The following NSG2 variants were observed in gnomAD, a reference collection of about 807,000 sequenced individuals.
NSG2 encodes the protein neuronal vesicle trafficking-associated protein 2.
Under a neutral mutation model 16.9 loss-of-function variants are expected in NSG2, and 4 were observed. The ratio of observed to expected loss-of-function variants is 0.24; its 90% CI spans 0.12 to 0.54. The LOEUF is 0.54. NSG2 is among the 20% of genes least tolerant of loss of function. The pLI, the probability that NSG2 is intolerant of heterozygous loss-of-function variation, is 0.95. For synonymous variants in NSG2, 98 were observed against 88.7 expected (o/e 1.11, Z -0.59); for missense variants, 179 against 221.1 (o/e 0.81, Z 1.21).
chr5:174,102,243 G>A (rs970922070), intron 3 of NSG2, among the ~76,000 whole-genome samples: 73 of 151,950 alleles, frequency 4.8e-4, no homozygotes, highest in African/African-American at 1.5e-3. Context: ...AATTCCTCCC[G>A]TCCAGTATTT....
At chr5:174,056,534 A>T (rs1159061027) in intron 2 of NSG2, 2 of 152,230 alleles carry the variant, frequency 1.3e-5, no homozygotes, top group African/African-American at 4.8e-5. Flanking sequence ...ATTTTGAAGG[A>T]GAGAACTGAG....
At chr5:174,062,282 T>C (rs185384064) in intron 2 of NSG2, among the ~76,000 whole-genome samples, 1 of 152,240 alleles carries the variant, frequency 6.6e-6, no homozygotes, top group Non-Finnish European at 1.5e-5. Context: ...CAGCCCACAC[T>C]TGTACACTCC....
rs181401803 is a variant in NSG2, at chr5:174,069,472, C to T, written c.213+5157C>T. On this transcript the variant is annotated intron_variant, in intron 3 of 4. Transcript: ENST00000303177. ...GGGCTTGAGACTAGGCTCGCCTAGG[C>T]ATCTTAGATCTTGGCTTTGCCATAT... 5.8e-3 allele frequency among the ~76,000 whole-genome samples: 888 copies of T among 152,250 alleles called. 5 individuals carry two copies. Among genetic ancestry groups the T allele is most frequent in the African/African-American group, 0.02 (846 of 41,536 alleles).
At chr5:174,106,570 T>G (rs1581246341) in intron 4 of NSG2, among the ~76,000 whole-genome samples, 1 of 150,718 alleles carries the variant, frequency 6.6e-6, no homozygotes, top group East Asian at 1.9e-4. Context: ...ATGAATGTTG[T>G]TAGGAATGAA....
intron 3 of NSG2, among the ~76,000 whole-genome samples, chr5:174,076,317 T>A (rs1326134541): frequency 6.7e-6 from 1 of 149,540 alleles, no homozygotes; most frequent in Admixed American, 6.6e-5. Flanking sequence ...GGAGGGTAGG[T>A]GTTTTCATAG....
intron 2 of NSG2, among the ~76,000 whole-genome samples, chr5:174,060,913 T>C (rs2113430185): frequency 1.3e-5 from 2 of 152,244 alleles, no homozygotes; most frequent in Middle Eastern, 6.8e-3. Context: ...CATAGCACAA[T>C]GTAATCATGG....
At chr5:174,069,401 G>A (rs1760198209) in intron 3 of NSG2, among the ~76,000 whole-genome samples, 1 of 152,120 alleles carries the variant, frequency 6.6e-6, no homozygotes, top group African/African-American at 2.4e-5. Context: ...GGAAGTCATT[G>A]GTGCTAAGCT....
chr5:174,064,180 G>A (rs1760102757), intron 2 of NSG2, 52 bp from the exon 3 acceptor site: 3 of 1,290,292 alleles, frequency 2.3e-6, no homozygotes, highest in Non-Finnish European at 3.2e-6. Flanking sequence ...AAAAAAGAAA[G>A]GAAAATGTTT....
rs1161203835 is a variant in NSG2 at position 174,107,235 on chromosome 5, C to T, written c.325-79C>T. The T allele has an allele frequency of 1.5e-6, 2 of 1,312,488 alleles. No homozygotes were observed. Among genetic ancestry groups the T allele is most frequent in the Non-Finnish European group, 2.1e-6 (2 of 962,390 alleles). The allele number at this position is 1,312,488 out of a possible 1,614,324, so 81.3% of individuals were successfully genotyped here. A position where few individuals can be genotyped will look rare whatever the true frequency, so the allele number is the denominator to read the frequency against. On this transcript the variant is annotated intron_variant, in intron 4 of 4. Coordinates refer to ENST00000303177, the MANE Select transcript of NSG2 (RefSeq NM_015980.5). The surrounding 1 kb of genome is among the most constrained non-coding windows in gnomAD (Gnocchi z 4.5). ...CTGACAGCCCGATGCAGCTGCACTC[C>T]AGTCAGGGTGGCTGTGTTGCTGGGC...
At position 174,107,601 on chromosome 5, in the gene NSG2, A is replaced by T; in HGVS notation, c.*96A>T. 75 of 514,514 alleles carry T rather than the reference A, an allele frequency of 1.5e-4. No individual in the cohort carries two copies. Among genetic ancestry groups the T allele is most frequent in the East Asian group, 2.7e-4 (4 of 14,704 alleles). 31.9% of individuals were successfully genotyped at this position (514,514 alleles called of 1,614,324 possible). A position where few individuals can be genotyped will look rare whatever the true frequency, so the allele number is the denominator to read the frequency against. On this transcript the variant is annotated 3_prime_UTR_variant, in exon 5 of 5. Transcript: ENST00000303177. This position sits in a 1 kb window ranked among gnomAD's most constrained non-coding sequence, Gnocchi z 4.5. Reference sequence around the variant, plus strand: ...TACAAGACAACACTGTACTCCTGGGATATGGGGGCGGGGGCGGGGCAGGGC... The same window carrying T: ...TACAAGACAACACTGTACTCCTGGGTTATGGGGGCGGGGGCGGGGCAGGGC...
At chr5:174,089,226 C>T (rs917611155) in intron 3 of NSG2, among the ~76,000 whole-genome samples, 1 of 152,144 alleles carries the variant, frequency 6.6e-6, no homozygotes, top group Non-Finnish European at 1.5e-5. Flanking sequence ...CTCCGAGGGG[C>T]AGCACCTCCA....
intron 2 of NSG2, among the ~76,000 whole-genome samples, chr5:174,055,221 A>G (rs1759948590): frequency 1.3e-5 from 2 of 152,130 alleles, no homozygotes; most frequent in Admixed American, 1.3e-4. Flanking sequence ...CTCTGTTCAG[A>G]GCAGAAGGAG....
At chr5:174,079,960 T>C (rs542337615) in intron 3 of NSG2, among the ~76,000 whole-genome samples, 35 of 152,332 alleles carry the variant, frequency 2.3e-4, no homozygotes, top group African/African-American at 7.9e-4. Flanking sequence ...TTTTGATTCA[T>C]TTGGAATTTG....
At chr5:174,066,842 T>A (rs1760147621) in intron 3 of NSG2, among the ~76,000 whole-genome samples, 1 of 151,470 alleles carries the variant, frequency 6.6e-6, no homozygotes, top group South Asian at 2.1e-4. Flanking sequence ...TACAAAAAAT[T>A]AGCCGGGCGT....
intron 3 of NSG2, among the ~76,000 whole-genome samples, chr5:174,075,501 A>G (rs1475787351): frequency 6.6e-6 from 1 of 152,176 alleles, no homozygotes; most frequent in Admixed American, 6.5e-5. Context: ...TGTTAGGTTA[A>G]TTTTGCGTTG....
chr5:174,095,292 T>C (rs1488659060), intron 3 of NSG2, among the ~76,000 whole-genome samples: 1 of 152,116 alleles, frequency 6.6e-6, no homozygotes, highest in Non-Finnish European at 1.5e-5. Context: ...CAAATGACCA[T>C]AAACTGTGCG....
At chr5:174,073,530 G>A (rs764779386) in intron 3 of NSG2, among the ~76,000 whole-genome samples, 6 of 152,192 alleles carry the variant, frequency 3.9e-5, no homozygotes, top group Non-Finnish European at 7.3e-5. Flanking sequence ...GGGTTTTATT[G>A]AAAATCAGAC....
intron 3 of NSG2, among the ~76,000 whole-genome samples, chr5:174,073,411 G>A (rs1446530906): frequency 1.3e-5 from 2 of 152,218 alleles, no homozygotes; most frequent in African/African-American, 4.8e-5. Context: ...AACACTGCCT[G>A]CTGGGTTAGG....
chr5:174,056,258 T>G (rs1759966503), intron 2 of NSG2: 1 of 115,186 alleles, frequency 8.7e-6, no homozygotes, highest in Non-Finnish European at 1.8e-5. Context: ...CTCAGGCTCC[T>G]TATCTGTAAA....
Sources: allele counts gnomAD v4.1 joint callset (sites outside exome capture counted in the v4.1 genomes callset), GRCh38; gene constraint gnomAD v4.1.1; non-coding constraint Gnocchi (gnomAD v3.1); transcripts MANE v1.5; gene names NCBI Gene and HGNC (gene_info 2026-07-23, HGNC 2026-07-21).